The following LOC122539214 variants were observed in gnomAD, a reference collection of about 807,000 sequenced individuals.
At chr19:52,652,972 C>A in the LOC122539214 span, 1 of 1,317,846 alleles carries the variant, frequency 7.6e-7, no homozygotes, top group East Asian at 2.4e-5. Context: ...ACACTCATTA[C>A]ACCTGTAAGG....
At chr19:52,661,459 T>G in the LOC122539214 span, among the ~76,000 whole-genome samples, 1 of 152,154 alleles carries the variant, frequency 6.6e-6, no homozygotes, top group East Asian at 1.9e-4. Context: ...GATCACAGAC[T>G]GACCTCAGTT....
the LOC122539214 span, among the ~76,000 whole-genome samples, chr19:52,683,529 A>ATCACCT: frequency 2.0e-4 from 4 of 20,384 alleles, no homozygotes; most frequent in African/African-American, 8.6e-4. Context: ...TCCAAAGGGA[A>ATCACCT]GGGCAAAGTC....
chr19:52,670,436 T>C, the LOC122539214 span, among the ~76,000 whole-genome samples: 96 of 152,280 alleles, frequency 6.3e-4, no homozygotes, highest in African/African-American at 2.3e-3. Context: ...GCACTCACCA[T>C]TGCTCCCTCT....
chr19:52,666,750 C>G, the LOC122539214 span, among the ~76,000 whole-genome samples: 1 of 151,798 alleles, frequency 6.6e-6, no homozygotes, highest in Non-Finnish European at 1.5e-5. Context: ...AGCAGGTTTT[C>G]TAACAGGGGG....
the LOC122539214 span, among the ~76,000 whole-genome samples, chr19:52,682,996 G>A: frequency 1.3e-5 from 2 of 152,096 alleles, no homozygotes; most frequent in Non-Finnish European, 2.9e-5. Context: ...TCAGCCTTTT[G>A]AGTAGCTGAG....
chr19:52,653,152 T>A, the LOC122539214 span: 1 of 1,483,738 alleles, frequency 6.7e-7, no homozygotes, highest in Admixed American at 1.7e-5. Context: ...GTTGTAAGGT[T>A]TTTCTCCGGT....
chr19:52,657,762 G>A, the LOC122539214 span, among the ~76,000 whole-genome samples: 5 of 151,726 alleles, frequency 3.3e-5, no homozygotes, highest in East Asian at 1.9e-4. Flanking sequence ...CAGGAGAATC[G>A]CTTGAACCTG....
the LOC122539214 span, among the ~76,000 whole-genome samples, chr19:52,656,725 G>A: frequency 1.3e-5 from 2 of 151,994 alleles, no homozygotes; most frequent in African/African-American, 4.8e-5. Context: ...AATTAGCTTG[G>A]TATGGTGGTG....
chr19:52,673,946 G>A, the LOC122539214 span, among the ~76,000 whole-genome samples: 1 of 144,458 alleles, frequency 6.9e-6, no homozygotes, highest in African/African-American at 2.6e-5. Context: ...AAGCTGAGAG[G>A]TGGAGGCCGC....
the LOC122539214 span, chr19:52,653,104 G>C: frequency 8.2e-6 from 12 of 1,460,800 alleles, 1 homozygote; most frequent in South Asian, 1.4e-4. Context: ...AATTAGAAGG[G>C]ATGAATTTCG....
chr19:52,656,793 G>C, the LOC122539214 span, among the ~76,000 whole-genome samples: 1 of 151,656 alleles, frequency 6.6e-6, no homozygotes, highest in Non-Finnish European at 1.5e-5. Flanking sequence ...TTGAACTCGG[G>C]AGGCTGAGGT....
At chr19:52,677,534 CTG>C in the LOC122539214 span, among the ~76,000 whole-genome samples, 18 of 151,884 alleles carry the variant, frequency 1.2e-4, no homozygotes, top group African/African-American at 4.4e-4. Flanking sequence ...GTATGGCGGT[CTG>C]AGGTAAAAGC....
the LOC122539214 span, among the ~76,000 whole-genome samples, chr19:52,684,894 CCA>C: frequency 6.6e-6 from 1 of 152,120 alleles, no homozygotes; most frequent in Non-Finnish European, 1.5e-5. Context: ...GGCTGTGGAG[CCA>C]CAGTGAGGAG....
the LOC122539214 span, among the ~76,000 whole-genome samples, chr19:52,688,768 A>G: frequency 2.0e-5 from 3 of 152,144 alleles, no homozygotes; most frequent in Non-Finnish European, 4.4e-5. Flanking sequence ...ATTCACTCCA[A>G]GAAAAGTAAA....
At chr19:52,678,449 C>CAAAAAAAA in the LOC122539214 span, among the ~76,000 whole-genome samples, 1 of 109,592 alleles carries the variant, frequency 9.1e-6, no homozygotes, top group Non-Finnish European at 1.8e-5. Context: ...GACTTCATCT[C>CAAAAAAAA]AAAAAAAAAA....
the LOC122539214 span, among the ~76,000 whole-genome samples, chr19:52,660,184 T>G: frequency 1.3e-5 from 2 of 152,204 alleles, no homozygotes; most frequent in East Asian, 3.9e-4. Context: ...GTGGGAAATT[T>G]TGCATAGTCT....
chr19:52,681,303 C>CAAAAAAAAAAAAAAAAAAAAAAAAAAAA, the LOC122539214 span, among the ~76,000 whole-genome samples: 5 of 78,318 alleles, frequency 6.4e-5, no homozygotes, highest in African/African-American at 1.8e-4. Context: ...AAAAAAAAAG[C>CAAAAAAAAAAAAAAAAAAAAAAAAAAAA]AAACGAACAT....
At chr19:52,661,433 C>T in the LOC122539214 span, among the ~76,000 whole-genome samples, 1 of 152,136 alleles carries the variant, frequency 6.6e-6, no homozygotes, top group African/African-American at 2.4e-5. Context: ...GAGCACAGCC[C>T]CCTCACCTCC....
chr19:52,663,601 T>TTTCCTTGA, the LOC122539214 span, among the ~76,000 whole-genome samples: 1 of 152,140 alleles, frequency 6.6e-6, no homozygotes, highest in Non-Finnish European at 1.5e-5. Context: ...AAAGAAAAAA[T>TTTCCTTGA]TTCCTTGATA....
Sources: allele counts gnomAD v4.1 joint callset (sites outside exome capture counted in the v4.1 genomes callset), GRCh38; gene constraint gnomAD v4.1.1; transcripts MANE v1.5.